Variants in DNAH11 observed in about 807,000 individuals in gnomAD.
DNAH11 encodes dynein axonemal heavy chain 11.
Under a neutral mutation model 526.0 loss-of-function variants are expected in DNAH11, and 442 were observed. That is an observed-to-expected ratio of 0.84 (90% CI 0.78 to 0.91). The LOEUF (loss-of-function observed/expected upper bound fraction) is 0.91, where lower values mean the gene tolerates loss of function less well. DNAH11 is among the 40% of genes least tolerant of loss of function. DNAH11 has a pLI of 0.00. For missense variants in DNAH11, 6,989 were observed against 5,448.7 expected (o/e 1.28, Z -8.90); for synonymous variants, 2,461 against 1,935.9 (o/e 1.27, Z -7.12).
chr7:21,638,921 C>T lies in DNAH11; in HGVS notation c.4818-18C>T. 1 of 1,593,496 alleles carries T rather than the reference C, an allele frequency of 6.3e-7. No homozygotes were observed. Among genetic ancestry groups the T allele is most frequent in the Non-Finnish European group, 8.5e-7 (1 of 1,172,870 alleles). ...TGAAGGGACAAGATATGCTTAAAAA[C>T]ATTTTTCATTCATGTAGGCTTTCTC... On this transcript the variant is annotated intron_variant, in intron 27 of 81. Coordinates refer to ENST00000409508, the MANE Select transcript of DNAH11 (RefSeq NM_001277115.2).
intron 68 of DNAH11, among the ~76,000 whole-genome samples, chr7:21,861,391 T>A (rs1179648841): frequency 3.3e-5 from 5 of 152,218 alleles, no homozygotes; most frequent in African/African-American, 1.2e-4. Context: ...CCCAAAAATG[T>A]ATGGCCTTGA....
intron 8 of DNAH11, among the ~76,000 whole-genome samples, chr7:21,574,414 C>G (rs140949701): frequency 6.6e-6 from 1 of 152,096 alleles, no homozygotes; most frequent in African/African-American, 2.4e-5. Flanking sequence ...TCACTATAAC[C>G]CAGAGAGTGG....
At position 21,786,648 on chromosome 7, in the gene DNAH11, T is replaced by C; in HGVS notation, c.9622T>C (p.Phe3208Leu). 6.2e-7 allele frequency: 1 copy of C among 1,613,320 alleles called. No individual in the cohort carries two copies. Among genetic ancestry groups the C allele is most frequent in the South Asian group, 1.1e-5 (1 of 90,950 alleles). Residue 3208 changes from phenylalanine (F) to leucine (L), a missense_variant, in exon 59 of 82, where the codon TTT becomes CTT. Coordinates refer to ENST00000409508, the MANE Select transcript of DNAH11 (RefSeq NM_001277115.2). ...NRVNLSELKA[F>L]PNPPIAVTNV... ...GGTCAACCTCAGTGAGCTGAAAGCC[T>C]TTCCCAACCCTCCCATCGCAGTTAC...
chr7:21,814,239 G>GATTT (rs1293144290), intron 63 of DNAH11, among the ~76,000 whole-genome samples: 4 of 152,020 alleles, frequency 2.6e-5, no homozygotes, highest in African/African-American at 9.7e-5. Context: ...AAATTGCTCT[G>GATTT]GTTTAGTCAG....
intron 20 of DNAH11, among the ~76,000 whole-genome samples, chr7:21,612,431 A>G (rs769352306): frequency 3.3e-5 from 5 of 151,672 alleles, no homozygotes; most frequent in Admixed American, 1.3e-4. Context: ...GGCAGGCGCC[A>G]GTAGTCCCAG....
chr7:21,687,585 T>TA (rs1167010620), intron 34 of DNAH11, 58 bp downstream of exon 34: 2 of 1,563,892 alleles, frequency 1.3e-6, no homozygotes, highest in African/African-American at 2.7e-5. Flanking sequence ...ATAATGCAGG[T>TA]AACCTCCCCT....
At chr7:21,716,795 G>A (rs1330143557) in intron 42 of DNAH11, among the ~76,000 whole-genome samples, 1 of 152,100 alleles carries the variant, frequency 6.6e-6, no homozygotes, top group East Asian at 1.9e-4. Flanking sequence ...ATTTCTCTTG[G>A]ACCTGAAAAA....
chr7:21,776,027 T>A (rs1208897345), intron 56 of DNAH11, among the ~76,000 whole-genome samples: 1 of 152,170 alleles, frequency 6.6e-6, no homozygotes, highest in Non-Finnish European at 1.5e-5. Flanking sequence ...GGTGGCAGCA[T>A]CTCAGCCACA....
rs143304972 is a variant in DNAH11 at position 21,678,832 on chromosome 7, A to C, written c.5329-2714A>C. On this transcript the variant is annotated intron_variant, in intron 30 of 81. Transcript: ENST00000409508. ...GAAAACATTATGAACATTCCTCAAA[A>C]TATTAAAAATAGGACTACCAAATGA... 4.1e-3 allele frequency among the ~76,000 whole-genome samples: 631 copies of C among 152,306 alleles called. 7 individuals are homozygous for C. The highest frequency in any genetic ancestry group is 0.014 in the African/African-American group (601 of 41,568).
intron 8 of DNAH11, among the ~76,000 whole-genome samples, chr7:21,579,900 A>G (rs541060105): frequency 1.3e-5 from 2 of 152,314 alleles, no homozygotes; most frequent in Non-Finnish European, 2.9e-5. Flanking sequence ...GACTTGGACC[A>G]AGGGCATCCT....
intron 74 of DNAH11, among the ~76,000 whole-genome samples, chr7:21,878,580 T>C (rs566851592): frequency 6.6e-6 from 1 of 152,324 alleles, no homozygotes; most frequent in East Asian, 1.9e-4. Context: ...TTTTTAATGA[T>C]TGTATATTTC....
intron 18 of DNAH11, among the ~76,000 whole-genome samples, chr7:21,602,413 T>A (rs1785127385): frequency 6.6e-6 from 1 of 152,166 alleles, no homozygotes; most frequent in Non-Finnish European, 1.5e-5. Flanking sequence ...TCTAAATAGA[T>A]TTCTATGCCA....
chr7:21,564,907 A>G (rs1216744581), intron 6 of DNAH11, among the ~76,000 whole-genome samples: 6 of 152,222 alleles, frequency 3.9e-5, no homozygotes, highest in Admixed American at 3.9e-4. Flanking sequence ...TTAAAAAAAA[A>G]AAAATTTAAA....
chr7:21,632,109 T>A (rs548550007), intron 25 of DNAH11, among the ~76,000 whole-genome samples: 83 of 152,338 alleles, frequency 5.4e-4, no homozygotes, highest in African/African-American at 1.9e-3. Context: ...TTGCATCCTC[T>A]GAAGCCACGT....
At chr7:21,577,932 C>T (rs1260115902) in intron 8 of DNAH11, among the ~76,000 whole-genome samples, 1 of 152,074 alleles carries the variant, frequency 6.6e-6, no homozygotes, top group Non-Finnish European at 1.5e-5. Flanking sequence ...TTTCACATTG[C>T]TACAAAGAAC....
intron 5 of DNAH11, among the ~76,000 whole-genome samples, chr7:21,563,073 G>A (rs1158503535): frequency 6.6e-6 from 1 of 152,154 alleles, no homozygotes; most frequent in Non-Finnish European, 1.5e-5. Flanking sequence ...GAATCTCATG[G>A]AGATCCATTT....
chr7:21,890,549 A>T (rs1784293457), intron 76 of DNAH11, among the ~76,000 whole-genome samples: 2 of 152,210 alleles, frequency 1.3e-5, no homozygotes, highest in Non-Finnish European at 2.9e-5. Context: ...AGTAAGCACA[A>T]ACAGAGAAGA....
chr7:21,784,306 C>T (rs1053370551), intron 57 of DNAH11, 121 bp from the exon 58 acceptor site: 4 of 761,922 alleles, frequency 5.2e-6, no homozygotes, highest in East Asian at 5.4e-5. Context: ...AAATTCCTCA[C>T]CTGTTCAAAG....
intron 65 of DNAH11, among the ~76,000 whole-genome samples, chr7:21,832,891 T>C (rs1438573212): frequency 6.6e-6 from 1 of 152,252 alleles, no homozygotes; most frequent in Non-Finnish European, 1.5e-5. Flanking sequence ...TGTCAACCCC[T>C]GCTCTAGAAG....
Sources: allele counts gnomAD v4.1 joint callset (sites outside exome capture counted in the v4.1 genomes callset), GRCh38; gene constraint gnomAD v4.1.1; transcripts MANE v1.5; gene names NCBI Gene and HGNC (gene_info 2026-07-23, HGNC 2026-07-21).